Variants in WDFY4 observed in about 807,000 individuals in gnomAD.
WDFY4 encodes the protein WD repeat- and FYVE domain-containing protein 4.
In WDFY4, 169 loss-of-function variants were observed where a neutral mutation model predicts 351.9. That is an observed-to-expected ratio of 0.48 (90% confidence interval 0.42 to 0.55). The LOEUF (loss-of-function observed/expected upper bound fraction) is 0.55, where lower values mean the gene tolerates loss of function less well. Ranked by LOEUF, WDFY4 falls within the 20% of genes least tolerant of loss-of-function variation. The pLI, the probability that WDFY4 is intolerant of heterozygous loss-of-function variation, is 0.00. For missense variants in WDFY4, 3,803 were observed against 3,935.6 expected (o/e 0.97, Z 0.90); for synonymous variants, 1,622 against 1,574.6 (o/e 1.03, Z -0.71).
intron 43 of WDFY4, among the ~76,000 whole-genome samples, chr10:48,883,587 T>C (rs961808576): frequency 2.6e-5 from 4 of 152,210 alleles, no homozygotes; most frequent in African/African-American, 9.7e-5. Context: ...GGCAGGACTG[T>C]GTGCATGCTC....
chr10:48,716,029 C>G lies in WDFY4; in HGVS notation c.235-3982C>G, dbSNP rs118018073. Among the ~76,000 whole-genome samples, 489 of 152,240 alleles carry G rather than the reference C, an allele frequency of 3.2e-3. 3 individuals carry two copies. Among genetic ancestry groups the G allele is most frequent in the South Asian group, 8.1e-3 (39 of 4,826 alleles). On this transcript the variant is annotated intron_variant, in intron 2 of 61. Coordinates refer to ENST00000325239, the MANE Select transcript of WDFY4 (RefSeq NM_001394531.1). ...CTCTTTGTCCACTCCTGACTCTACC[C>G]CATCTTGGAGTGGGACCTGCAACAT...
intron 43 of WDFY4, among the ~76,000 whole-genome samples, chr10:48,889,687 T>C (rs2070611507): frequency 6.6e-6 from 1 of 152,216 alleles, no homozygotes; most frequent in Non-Finnish European, 1.5e-5. Flanking sequence ...CCTTACCACA[T>C]GCAGAACTCT....
chr10:48,685,966 G>A (rs1026092311), intron 1 of WDFY4, among the ~76,000 whole-genome samples: 1 of 152,068 alleles, frequency 6.6e-6, no homozygotes, highest in African/African-American at 2.4e-5. Context: ...ACCTGTGAGG[G>A]AGGCCGAGTC....
At chr10:48,853,771 T>G (rs935989844) in intron 39 of WDFY4, among the ~76,000 whole-genome samples, 1 of 152,224 alleles carries the variant, frequency 6.6e-6, no homozygotes, top group Non-Finnish European at 1.5e-5. Flanking sequence ...TCTGTAAGCC[T>G]CTCTCACTGT....
At chr10:48,753,970 A>T (rs1404563538) in intron 12 of WDFY4, among the ~76,000 whole-genome samples, 1 of 152,274 alleles carries the variant, frequency 6.6e-6, no homozygotes, top group Admixed American at 6.5e-5. Flanking sequence ...TGTTTTTATC[A>T]TGAAAGAGTG....
At chr10:48,795,530 TATATACACAC>T (rs1269158414) in intron 23 of WDFY4, among the ~76,000 whole-genome samples, 778 of 77,380 alleles carry the variant, frequency 0.01, 5 homozygotes, top group East Asian at 0.046. Context: ...TATACATATA[TATATACACAC>T]ACATGAATAG....
chr10:48,781,160 G>A (rs532107819), intron 19 of WDFY4, among the ~76,000 whole-genome samples: 18 of 152,122 alleles, frequency 1.2e-4, no homozygotes, highest in African/African-American at 4.3e-4. Context: ...ACATATAGGT[G>A]AATTTGATAC....
chr10:48,696,581 G>C (rs1485590957), intron 1 of WDFY4, among the ~76,000 whole-genome samples: 1 of 152,262 alleles, frequency 6.6e-6, no homozygotes. Context: ...AGATTGGACA[G>C]ACTCAGCGGC....
chr10:48,910,298 G>A (rs950218446), intron 47 of WDFY4: 2 of 1,594,942 alleles, frequency 1.3e-6, no homozygotes, highest in East Asian at 2.2e-5. Context: ...AATTGCTCCA[G>A]GCCACAGAGG....
At chr10:48,935,474 G>A (rs1342045461) in intron 47 of WDFY4, among the ~76,000 whole-genome samples, 1 of 152,236 alleles carries the variant, frequency 6.6e-6, no homozygotes, top group African/African-American at 2.4e-5. Context: ...CGGCCAAGCG[G>A]ATGTGGCTAC....
chr10:48,689,030 C>G (rs2063128479), intron 1 of WDFY4, among the ~76,000 whole-genome samples: 1 of 151,992 alleles, frequency 6.6e-6, no homozygotes, highest in Admixed American at 6.6e-5. Flanking sequence ...AAGGCTTGGC[C>G]CCCTCCACCC....
At chr10:48,745,593 C>A in intron 12 of WDFY4, 1 of 512,570 alleles carries the variant, frequency 2.0e-6, no homozygotes, top group South Asian at 1.7e-5. Flanking sequence ...TCTCCACGTT[C>A]TTTTTGGCCT....
intron 31 of WDFY4, among the ~76,000 whole-genome samples, chr10:48,814,625 C>T (rs1007494732): frequency 3.9e-5 from 6 of 152,186 alleles, no homozygotes; most frequent in African/African-American, 1.4e-4. Context: ...TAAGCCAGGT[C>T]AGGGAGGGTT....
rs537938172 is a variant in WDFY4, at chr10:48,958,271, G to T, written c.8131+989G>T. The stretch of plus-strand genomic sequence containing the variant: ...CTGACCTATGGAACCTGGGGACCTT[G>T]GTGGTGTTCAAATCGTTAGACACCT... On this transcript the variant is annotated intron_variant, in intron 52 of 61. Coordinates refer to ENST00000325239, the MANE Select transcript of WDFY4 (RefSeq NM_001394531.1). Among the ~76,000 whole-genome samples, 9 of 152,350 alleles carry T rather than the reference G, an allele frequency of 5.9e-5. No homozygotes were observed. The South Asian group carries it at 1.9e-3, about 32-fold the overall frequency.
intron 7 of WDFY4, 69 bp downstream of exon 7, chr10:48,727,728 G>A (rs145005835): frequency 6.6e-7 from 1 of 1,508,892 alleles, no homozygotes. Context: ...AATCATTGGG[G>A]TGCTTTGCAG....
At chr10:48,942,063 C>A in intron 48 of WDFY4, among the ~76,000 whole-genome samples, 1 of 152,166 alleles carries the variant, frequency 6.6e-6, no homozygotes, top group East Asian at 1.9e-4. Context: ...CTCTTGGGTT[C>A]AAGCGATTCT....
chr10:48,830,310 A>C (rs1333559461), intron 37 of WDFY4, among the ~76,000 whole-genome samples: 1 of 152,164 alleles, frequency 6.6e-6, no homozygotes, highest in Admixed American at 6.5e-5. Context: ...GAAGGTTGGA[A>C]GGAGCTGTTT....
chr10:48,951,776 G>A (rs1277566127), intron 51 of WDFY4, among the ~76,000 whole-genome samples: 2 of 152,118 alleles, frequency 1.3e-5, no homozygotes, highest in African/African-American at 4.8e-5. Context: ...CCCCTGCTGG[G>A]GTCCCAGCCC....
chr10:48,780,203 T>G, intron 19 of WDFY4, 84 bp downstream of exon 19: 2 of 1,468,326 alleles, frequency 1.4e-6, no homozygotes, highest in Non-Finnish European at 1.8e-6. Flanking sequence ...TCATTCTATG[T>G]TTTTGTTGTT....
Sources: allele counts gnomAD v4.1 joint callset (sites outside exome capture counted in the v4.1 genomes callset), GRCh38; gene constraint gnomAD v4.1.1; transcripts MANE v1.5; gene names NCBI Gene and HGNC (gene_info 2026-07-23, HGNC 2026-07-21).